Variants in MYO5A observed in about 807,000 individuals in gnomAD.
MYO5A encodes myosin VA.
A neutral mutation model predicts 249.7 loss-of-function variants in MYO5A; 98 were observed. The observed-to-expected ratio is 0.39, with a 90% CI of 0.33 to 0.46. The LOEUF (loss-of-function observed/expected upper bound fraction) is 0.46, where lower values mean the gene tolerates loss of function less well. Ranked by LOEUF, MYO5A falls within the 20% of genes least tolerant of loss-of-function variation. The probability of loss-of-function intolerance (pLI) is 0.98; values close to 1 mark genes in which losing one functional copy is unlikely to be tolerated. For missense variants in MYO5A, 1,696 were observed against 2,308.8 expected (o/e 0.73, Z 5.44); for synonymous variants, 778 against 810.6 (o/e 0.96, Z 0.68).
At chr15:52,348,879 A>T in intron 28 of MYO5A, 53 bp from the exon 29 acceptor site, 1 of 1,582,388 alleles carries the variant, frequency 6.3e-7, no homozygotes, top group Non-Finnish European at 8.6e-7. Context: ...ATAAACCCTT[A>T]GTTCCATAAA....
intron 1 of MYO5A, among the ~76,000 whole-genome samples, chr15:52,440,387 C>T (rs1300028478): frequency 6.6e-6 from 1 of 152,172 alleles, no homozygotes; most frequent in African/African-American, 2.4e-5. Context: ...CCTGCCTCAG[C>T]CTCCCAAGTA....
chr15:52,364,236 C>CAA (rs879852063), intron 24 of MYO5A, among the ~76,000 whole-genome samples: 1 of 134,916 alleles, frequency 7.4e-6, no homozygotes. Flanking sequence ...GACTCCATCT[C>CAA]AAAAAAAAAA....
At chr15:52,528,053 GA>G (rs1241260844) in intron 1 of MYO5A, among the ~76,000 whole-genome samples, 2 of 152,158 alleles carry the variant, frequency 1.3e-5, no homozygotes, top group Non-Finnish European at 2.9e-5. Context: ...TCTAAGAAAA[GA>G]CTGCCACTTC....
intron 1 of MYO5A, among the ~76,000 whole-genome samples, chr15:52,461,687 G>A (rs1021528376): frequency 6.6e-6 from 1 of 152,188 alleles, no homozygotes; most frequent in African/African-American, 2.4e-5. Flanking sequence ...GATCAGCCAG[G>A]TGTGGTCATT....
chr15:52,385,572 A>T (rs1596385205), intron 14 of MYO5A, among the ~76,000 whole-genome samples: 1 of 150,760 alleles, frequency 6.6e-6, no homozygotes, highest in Non-Finnish European at 1.5e-5. Context: ...CCATATATAT[A>T]TATATTTTTT....
chr15:52,376,805 G>A (rs2141109324), intron 18 of MYO5A, among the ~76,000 whole-genome samples: 1 of 152,198 alleles, frequency 6.6e-6, no homozygotes, highest in Middle Eastern at 3.4e-3. Flanking sequence ...TATTATCTGA[G>A]GCCCAAAACT....
intron 36 of MYO5A, among the ~76,000 whole-genome samples, chr15:52,325,406 C>T (rs965619414): frequency 6.7e-6 from 1 of 149,420 alleles, no homozygotes; most frequent in African/African-American, 2.5e-5. Context: ...CTAAGCCCCC[C>T]ACTTTTTTTT....
At chr15:52,388,908 A>G (rs144003811) in intron 13 of MYO5A, among the ~76,000 whole-genome samples, 10 of 152,326 alleles carry the variant, frequency 6.6e-5, no homozygotes, top group African/African-American at 2.2e-4. Context: ...TGAAATATGA[A>G]TATTTCCAGC....
intron 1 of MYO5A, among the ~76,000 whole-genome samples, chr15:52,449,233 T>C (rs778221686): frequency 1.6e-4 from 25 of 152,122 alleles, no homozygotes; most frequent in Non-Finnish European, 2.9e-4. Flanking sequence ...CCTCCCAAAG[T>C]GCTGGGATTA....
intron 1 of MYO5A, among the ~76,000 whole-genome samples, chr15:52,509,982 G>C (rs1428063303): frequency 6.6e-6 from 1 of 152,038 alleles, no homozygotes; most frequent in African/African-American, 2.4e-5. Flanking sequence ...TGTTTCACTA[G>C]AATTAATTAA....
chr15:52,457,687 G>A (rs1201667089), intron 1 of MYO5A, among the ~76,000 whole-genome samples: 2 of 152,150 alleles, frequency 1.3e-5, no homozygotes, highest in African/African-American at 2.4e-5. Flanking sequence ...CAGTCATTAT[G>A]GAAAAGAGCA....
rs202015955 is a variant in MYO5A, at chr15:52,313,703, C to T, written c.5636G>A (p.Arg1879Gln). The T allele has an allele frequency of 1.2e-6, 2 of 1,614,072 alleles. No homozygotes were observed. Among genetic ancestry groups the T allele is most frequent in the Non-Finnish European group, 1.7e-6 (2 of 1,180,006 alleles). ...TTTGCCTGGACATCACTTTCAGACCCGTGAAATGAAGCCCAGGCCGAGGCT... is the reference window on the plus strand; with the variant it reads ...TTTGCCTGGACATCACTTTCAGACCTGTGAAATGAAGCCCAGGCCGAGGCT... ...PASLGLGFIS[R>Q]V The change falls in exon 42 of 42, where the codon CGG becomes CAG. Residue 1879 changes from arginine (R) to glutamine (Q), a missense_variant. Physicochemically the swap from Arg to Gln is conservative, Grantham distance 43 (BLOSUM62 1). Coordinates refer to ENST00000399233, the MANE Select transcript of MYO5A (RefSeq NM_001382347.1).
chr15:52,340,845 G>T (rs1322016853), intron 31 of MYO5A, among the ~76,000 whole-genome samples: 1 of 152,064 alleles, frequency 6.6e-6, no homozygotes, highest in African/African-American at 2.4e-5. Context: ...CTACTCAGGA[G>T]GCTGAGGCAG....
At chr15:52,461,630 C>T (rs1464244310) in intron 1 of MYO5A, among the ~76,000 whole-genome samples, 1 of 152,156 alleles carries the variant, frequency 6.6e-6, no homozygotes, top group Non-Finnish European at 1.5e-5. Context: ...TTCCTCTCCC[C>T]ATAGCTTAGG....
chr15:52,470,176 A>C (rs2076430886), intron 1 of MYO5A, among the ~76,000 whole-genome samples: 1 of 152,204 alleles, frequency 6.6e-6, no homozygotes, highest in South Asian at 2.1e-4. Context: ...CATAGCATTG[A>C]CAATTCTTTC....
chr15:52,522,209 A>G (rs2077636822), intron 1 of MYO5A, among the ~76,000 whole-genome samples: 1 of 152,220 alleles, frequency 6.6e-6, no homozygotes, highest in African/African-American at 2.4e-5. Flanking sequence ...GATAAGAGAC[A>G]AAGCACAAGG....
At chr15:52,325,741 AC>A (rs1490048047) in intron 36 of MYO5A, among the ~76,000 whole-genome samples, 1 of 152,082 alleles carries the variant, frequency 6.6e-6, no homozygotes, top group Non-Finnish European at 1.5e-5. Flanking sequence ...CAATTTGAAC[AC>A]TAAGGGTATC....
intron 4 of MYO5A, among the ~76,000 whole-genome samples, chr15:52,421,639 A>G (rs1206160635): frequency 3.3e-5 from 5 of 152,102 alleles, no homozygotes; most frequent in African/African-American, 1.2e-4. Context: ...AGTCTACACA[A>G]TGCTTCTTCT....
chr15:52,348,854 A>G, intron 28 of MYO5A, 28 bp from the exon 29 acceptor site: 1 of 1,605,340 alleles, frequency 6.2e-7, no homozygotes, highest in Middle Eastern at 1.7e-4. Flanking sequence ...GCAAGCACAA[A>G]AAACAGAGAA....
Sources: allele counts gnomAD v4.1 joint callset (sites outside exome capture counted in the v4.1 genomes callset), GRCh38; gene constraint gnomAD v4.1.1; transcripts MANE v1.5; gene names NCBI Gene and HGNC (gene_info 2026-07-23, HGNC 2026-07-21).